RFX7: variants seen among roughly 807,000 people sequenced by gnomAD.
The protein encoded by RFX7 is regulatory factor X7.
RFX7 carries 26 observed loss-of-function variants against 111.8 expected under a neutral mutation model. The ratio of observed to expected loss-of-function variants is 0.23; its 90% CI spans 0.17 to 0.32. The LOEUF (loss-of-function observed/expected upper bound fraction) is 0.32. Ranked by LOEUF, RFX7 falls within the 10% of genes least tolerant of loss-of-function variation. The pLI is 1.00. For missense variants in RFX7, 1,573 were observed against 1,772.9 expected, an observed-to-expected ratio of 0.89 and a Z score of 2.02; for synonymous variants, 624 against 624.4, an observed-to-expected ratio of 1.00 and a Z score of 0.01.
Position 56,243,616 on chromosome 15 carries a change from A to T in RFX7, c.-174T>A, listed in dbSNP as rs1185614885. ...CAGCGGCCGGGGCTGTGGGGGGGTG[A>T]GATGGGGGCGTTTGAAGACGAAGTG... On this transcript the variant is annotated 5_prime_UTR_variant, in exon 1 of 10. Transcript: ENST00000559447. The T allele has an allele frequency of 4.1e-6, 1 of 245,166 alleles. No individual in the cohort carries two copies. Among genetic ancestry groups the T allele is most frequent in the Non-Finnish European group, 6.0e-6 (1 of 165,876 alleles). The allele number at this position is 245,166 out of a possible 1,614,324, so 15.2% of individuals were successfully genotyped here.
At position 56,096,494 on chromosome 15, in the gene RFX7, G is replaced by A. The variant is rs1224742414; in HGVS notation, c.1234C>T (p.Pro412Ser). 12 of 1,606,642 alleles carry A rather than the reference G, an allele frequency of 7.5e-6. No individual in the cohort carries two copies. The highest frequency in any genetic ancestry group is 1.0e-5 in the Non-Finnish European group (12 of 1,176,452). The change falls in exon 10 of 10, where the codon CCC becomes TCC. Residue 412 changes from proline to serine, a missense_variant. By Grantham distance (74) the Pro-to-Ser change is moderately conservative (BLOSUM62 -1). Around this residue, in one of 7 missense-constraint regions of RFX7, gnomAD observed 288 missense variants for 337.9 expected, o/e 0.85. Transcript: ENST00000559447. ...CCAGGACTGGCTGGAACGTTCTGGGGAGTCTTTGGTGCCTGTTTCACAGAC... is the reference window on the plus strand; with the variant it reads ...CCAGGACTGGCTGGAACGTTCTGGGAAGTCTTTGGTGCCTGTTTCACAGAC... ...MQSVKQAPKT[P>S]QNVPASPGGD...
At chr15:56,110,330 A>C (rs865903498) in intron 5 of RFX7, among the ~76,000 whole-genome samples, 6,013 of 33,152 alleles carry the variant, frequency 0.18, 1,673 homozygotes, top group Non-Finnish European at 0.28. Context: ...GGGGGGGGTC[A>C]GCCCCCCGCC....
rs1293869925 is a variant in RFX7, at chr15:56,096,206, C to T, written c.1522G>A (p.Val508Ile). The change falls in exon 10 of 10, where the codon GTT becomes ATT. Residue 508 changes from valine (V) to isoleucine (I), a missense_variant. By Grantham distance (29) the Val-to-Ile change is conservative. Transcript: ENST00000559447. ...ACAGAACCATTCTTGATCTGTGGAA[C>T]ACTCCTTGATTCTTCTGTTGTTCCT... is the stretch of plus-strand genomic sequence containing the variant. ...ATGTTEESRS[V>I]PQIKNGSVVS... 6.8e-6 allele frequency: 11 copies of T among 1,613,840 alleles called. No individual in the cohort carries two copies. The highest frequency in any genetic ancestry group is 1.3e-5 in the African/African-American group (1 of 74,908).
chr15:56,231,823 G>T (rs1186057254), intron 2 of RFX7, among the ~76,000 whole-genome samples: 1 of 152,180 alleles, frequency 6.6e-6, no homozygotes, highest in Non-Finnish European at 1.5e-5. Flanking sequence ...TACAATGGGG[G>T]TACAGGCATT....
intron 5 of RFX7, among the ~76,000 whole-genome samples, chr15:56,137,579 T>C (rs549639175): frequency 2.6e-5 from 4 of 152,294 alleles, no homozygotes; most frequent in Admixed American, 2.6e-4. Context: ...CTGGATTGAT[T>C]AATTTTTTGA....
chr15:56,243,898 G>C (rs1178799828), upstream of RFX7: 1 of 149,048 alleles, frequency 6.7e-6, no homozygotes, highest in Non-Finnish European at 1.5e-5. Flanking sequence ...GCCCGGCGCA[G>C]ACCGCACAAC....
At chr15:56,134,156 CTA>C (rs1188317115) in intron 5 of RFX7, among the ~76,000 whole-genome samples, 5 of 152,242 alleles carry the variant, frequency 3.3e-5, no homozygotes, top group African/African-American at 1.2e-4. Flanking sequence ...AATCTGAGTT[CTA>C]GTCTTAGATC....
intron 2 of RFX7, among the ~76,000 whole-genome samples, chr15:56,205,374 T>C (rs940267969): frequency 2.6e-5 from 4 of 152,224 alleles, no homozygotes; most frequent in African/African-American, 9.6e-5. Context: ...AAATGCCTGA[T>C]TATGCTTTTT....
chr15:56,218,349 C>T (rs2043388160), intron 2 of RFX7, among the ~76,000 whole-genome samples: 1 of 151,948 alleles, frequency 6.6e-6, no homozygotes. Context: ...CCAGACTGGT[C>T]TTGAACTCCT....
chr15:56,219,150 T>C (rs2141211777), intron 2 of RFX7, among the ~76,000 whole-genome samples: 1 of 152,334 alleles, frequency 6.6e-6, no homozygotes, highest in Admixed American at 6.5e-5. Context: ...TTACTTCATA[T>C]ACATTGACAC....
intron 2 of RFX7, among the ~76,000 whole-genome samples, chr15:56,225,016 C>G (rs1368269975): frequency 6.6e-6 from 1 of 151,970 alleles, no homozygotes; most frequent in Admixed American, 6.6e-5. Flanking sequence ...AGTATTATAA[C>G]AAAAATACTA....
upstream of RFX7, chr15:56,243,961 ACGG>A (rs2043768363): frequency 6.7e-6 from 1 of 149,560 alleles, no homozygotes; most frequent in Non-Finnish European, 1.5e-5. Context: ...CGCGGGCGCG[ACGG>A]GCCGGGATGG....
intron 5 of RFX7, among the ~76,000 whole-genome samples, chr15:56,122,030 A>G (rs1567016544): frequency 6.6e-6 from 1 of 152,058 alleles, no homozygotes; most frequent in Non-Finnish European, 1.5e-5. Context: ...TGCCTTATTT[A>G]GTTCGTTTGG....
intron 5 of RFX7, among the ~76,000 whole-genome samples, chr15:56,137,011 C>T (rs532024691): frequency 2.0e-5 from 3 of 151,684 alleles, no homozygotes; most frequent in South Asian, 4.2e-4. Context: ...CTGCTGGATT[C>T]GTTTTGCCAG....
chr15:56,193,743 A>G (rs2043121337), intron 2 of RFX7, among the ~76,000 whole-genome samples: 4 of 152,210 alleles, frequency 2.6e-5, no homozygotes, highest in Admixed American at 2.6e-4. Context: ...CATCAGCAAT[A>G]AAGCAGATAA....
chr15:56,156,500 A>G (rs538709651), intron 3 of RFX7, among the ~76,000 whole-genome samples: 32 of 152,150 alleles, frequency 2.1e-4, no homozygotes, highest in Middle Eastern at 3.4e-3. Context: ...GTTATAACAA[A>G]GTTTCACTAT....
At chr15:56,110,403 C>T (rs1279870100) in intron 5 of RFX7, among the ~76,000 whole-genome samples, 1 of 119,266 alleles carries the variant, frequency 8.4e-6, no homozygotes, top group South Asian at 2.7e-4. Context: ...GCCAGCCGCC[C>T]CGTCCGGGGG....
In RFX7 at chr15:56,193,457, T is replaced by C. The variant is rs533399028; in HGVS notation, c.162-14154A>G. 9.8e-5 allele frequency among the ~76,000 whole-genome samples: 15 copies of C among 152,340 alleles called. 1 individual carries two copies. The South Asian group carries it at 2.1e-3, about 21-fold the overall frequency. Reference sequence around the variant, plus strand: ...ATTAATATTTTTCTAATTTTTTAAATTGATGATTGTTGATAATTGATAATG... The same window carrying C: ...ATTAATATTTTTCTAATTTTTTAAACTGATGATTGTTGATAATTGATAATG... On this transcript the variant is annotated intron_variant, in intron 2 of 9. Transcript: ENST00000559447.
At chr15:56,240,581 TAGG>T (rs543502223) in intron 2 of RFX7, among the ~76,000 whole-genome samples, 91 of 152,168 alleles carry the variant, frequency 6.0e-4, no homozygotes, top group African/African-American at 2.2e-3. Flanking sequence ...ATTTGTAGAG[TAGG>T]AGGACAAGTA....
Sources: allele counts gnomAD v4.1 joint callset (sites outside exome capture counted in the v4.1 genomes callset), GRCh38; gene constraint gnomAD v4.1.1; regional missense constraint gnomAD v4.1.1; transcripts MANE v1.5; gene names NCBI Gene and HGNC (gene_info 2026-07-23, HGNC 2026-07-21).